Variants in ZNF678 observed in about 807,000 individuals in gnomAD.
The protein encoded by ZNF678 is hypothetical protein MGC42493.
ZNF678 carries 5 observed loss-of-function variants against 3.0 expected under a neutral mutation model. That is an observed-to-expected ratio of 1.69 (90% confidence interval 0.88 to 3.56). The LOEUF is 3.56. Ranked by LOEUF, ZNF678 falls within the 30% of genes most tolerant of loss-of-function variation. ZNF678 has a pLI of 0.00. For synonymous variants in ZNF678, 218 were observed against 199.6 expected, an observed-to-expected ratio of 1.09 and a Z score of -0.78; for missense variants, 593 against 605.0, an observed-to-expected ratio of 0.98 and a Z score of 0.21.
intron 1 of ZNF678, among the ~76,000 whole-genome samples, chr1:227,637,829 T>A (rs1658717852): frequency 6.6e-6 from 1 of 152,058 alleles, no homozygotes; most frequent in African/African-American, 2.4e-5. Flanking sequence ...CAGGAGAGAC[T>A]GGAGGAGGGA....
intron 1 of ZNF678, among the ~76,000 whole-genome samples, chr1:227,608,375 C>A (rs1657930391): frequency 6.6e-6 from 1 of 151,888 alleles, no homozygotes. Context: ...AATAAATACT[C>A]ATTTGGGTCA....
At chr1:227,600,401 G>A (rs1657705756) in intron 1 of ZNF678, among the ~76,000 whole-genome samples, 1 of 152,144 alleles carries the variant, frequency 6.6e-6, no homozygotes, top group Non-Finnish European at 1.5e-5. Context: ...GTTCCACAAT[G>A]TTTGAACAAA....
chr1:227,570,126 G>T (rs1303939259), intron 1 of ZNF678, among the ~76,000 whole-genome samples: 1 of 152,208 alleles, frequency 6.6e-6, no homozygotes, highest in African/African-American at 2.4e-5. Flanking sequence ...GCTTTCTGTG[G>T]AGCAGGCACT....
At chr1:227,643,421 T>C (rs1249565026) in intron 1 of ZNF678, among the ~76,000 whole-genome samples, 3 of 152,166 alleles carry the variant, frequency 2.0e-5, no homozygotes, top group Admixed American at 6.5e-5. Flanking sequence ...AATAAGCCAG[T>C]GGTATAAAGA....
At chr1:227,579,621 G>T (rs936570899) in intron 1 of ZNF678, among the ~76,000 whole-genome samples, 1 of 152,122 alleles carries the variant, frequency 6.6e-6, no homozygotes, top group Non-Finnish European at 1.5e-5. Context: ...CTTGTGCATG[G>T]TCATAGGGGT....
At chr1:227,583,952 C>CCA (rs1657196347) in intron 1 of ZNF678, among the ~76,000 whole-genome samples, 1 of 152,184 alleles carries the variant, frequency 6.6e-6, no homozygotes, top group East Asian at 1.9e-4. Context: ...AGATTCACTT[C>CCA]CACTTATATG....
rs527620895 is a variant in ZNF678 at position 227,632,857 on chromosome 1, A to G, written c.-163-13687A>G. The stretch of plus-strand genomic sequence containing the variant: ...CAAGATGGTGGCGGGCCGCTCCCAA[A>G]TGGCAGCAAGCCTTTTGTTCTCTGA... On this transcript the variant is annotated intron_variant, in intron 1 of 3. Coordinates refer to ENST00000343776, the MANE Select transcript of ZNF678 (RefSeq NM_001367909.1). Among the ~76,000 whole-genome samples the G allele has an allele frequency of 4.6e-5, 7 of 152,284 alleles. 2 individuals are homozygous for G. Among genetic ancestry groups the G allele is most frequent in the African/African-American group, 1.7e-4 (7 of 41,566 alleles).
At position 227,652,746 on chromosome 1, in the gene ZNF678, T is replaced by A. The variant is rs942440688; in HGVS notation, c.86-1590T>A. Reference sequence around the variant, plus strand: ...TAGAGACATCAACAGATGTTTATTGTTGTTCTTATGCATATTTCAAATTGT... The same window carrying A: ...TAGAGACATCAACAGATGTTTATTGATGTTCTTATGCATATTTCAAATTGT... On this transcript the variant is annotated intron_variant, in intron 3 of 3. Transcript: ENST00000343776. 2.0e-5 allele frequency among the ~76,000 whole-genome samples: 3 copies of A among 151,342 alleles called. No individual in the cohort carries two copies. The South Asian group carries it at 6.2e-4, about 31-fold the overall frequency.
intron 1 of ZNF678, among the ~76,000 whole-genome samples, chr1:227,631,148 A>T (rs753421519): frequency 6.6e-6 from 1 of 152,140 alleles, no homozygotes; most frequent in Non-Finnish European, 1.5e-5. Context: ...TCCCATCTGA[A>T]AAAAGGACAT....
At chr1:227,612,931 G>T (rs1658055779) in intron 1 of ZNF678, among the ~76,000 whole-genome samples, 1 of 152,160 alleles carries the variant, frequency 6.6e-6, no homozygotes, top group Non-Finnish European at 1.5e-5. Context: ...GACTGTGTCA[G>T]TCCTGGCCCC....
intron 1 of ZNF678, among the ~76,000 whole-genome samples, chr1:227,645,708 G>T (rs1483087924): frequency 3.3e-5 from 5 of 152,176 alleles, no homozygotes; most frequent in Non-Finnish European, 7.3e-5. Flanking sequence ...GTTTCTTTAT[G>T]ATTAGATTCA....
intron 1 of ZNF678, among the ~76,000 whole-genome samples, chr1:227,591,636 T>C (rs186962053): frequency 6.6e-6 from 1 of 152,288 alleles, no homozygotes; most frequent in African/African-American, 2.4e-5. Context: ...TTCTTAATCT[T>C]ATTTTAAAAA....
intron 1 of ZNF678, among the ~76,000 whole-genome samples, chr1:227,594,552 T>G (rs1239843897): frequency 6.6e-6 from 1 of 152,258 alleles, no homozygotes; most frequent in African/African-American, 2.4e-5. Context: ...TAAAACTTGA[T>G]TAAACCTTTA....
chr1:227,609,115 T>C (rs1657951348), intron 1 of ZNF678, among the ~76,000 whole-genome samples: 2 of 152,222 alleles, frequency 1.3e-5, no homozygotes, highest in South Asian at 4.1e-4. Flanking sequence ...TGAAGTGATA[T>C]GTAAAGATCA....
intron 1 of ZNF678, among the ~76,000 whole-genome samples, 159 bp downstream of exon 1, chr1:227,563,883 C>T (rs1384680772): frequency 6.6e-6 from 1 of 152,242 alleles, no homozygotes; most frequent in Non-Finnish European, 1.5e-5. Flanking sequence ...CATCACTGCG[C>T]CGCGGCTTCC....
chr1:227,591,960 C>T (rs555169530), intron 1 of ZNF678, among the ~76,000 whole-genome samples: 51 of 152,226 alleles, frequency 3.4e-4, no homozygotes, highest in African/African-American at 1.0e-3. Flanking sequence ...AGTCAGTTTC[C>T]GCGTGTGACT....
chr1:227,669,950 T>TA (rs1659572847), intron 5 of ZNF678, among the ~76,000 whole-genome samples: 1 of 152,190 alleles, frequency 6.6e-6, no homozygotes, highest in Admixed American at 6.5e-5. Context: ...GGAATCAATC[T>TA]AGGTGCCCGA....
At chr1:227,666,363 A>G (rs947754514), downstream of ZNF678, among the ~76,000 whole-genome samples, 1 of 152,186 alleles carries the variant, frequency 6.6e-6, no homozygotes, top group African/African-American at 2.4e-5. Flanking sequence ...CTGGCTTTTG[A>G]GCTGCATTAA....
rs1247730413 is a variant in ZNF678, at chr1:227,660,333, A to T, written c.*4505A>T. 1.3e-5 allele frequency: 2 copies of T among 151,700 alleles called. No homozygotes were observed. Among genetic ancestry groups the T allele is most frequent in the Non-Finnish European group, 2.9e-5 (2 of 67,936 alleles). 9.4% of individuals were successfully genotyped at this position (151,700 alleles called of 1,614,324 possible). On this transcript the variant is annotated 3_prime_UTR_variant, in exon 4 of 4. Transcript: ENST00000343776. ...ATATATACATCATTTTGTGTAACAT[A>T]GACTTTTTAGCAATATTAATTTGGC...
Sources: allele counts gnomAD v4.1 joint callset (sites outside exome capture counted in the v4.1 genomes callset), GRCh38; gene constraint gnomAD v4.1.1; transcripts MANE v1.5; gene names NCBI Gene and HGNC (gene_info 2026-07-23, HGNC 2026-07-21).